The following ANO4 variants were observed in gnomAD, a reference collection of about 807,000 sequenced individuals.
ANO4 encodes the protein anoctamin-4.
ANO4 carries 69 observed loss-of-function variants against 141.9 expected under a neutral mutation model. The ratio of observed to expected loss-of-function variants is 0.49; its 90% CI spans 0.40 to 0.59. The LOEUF (loss-of-function observed/expected upper bound fraction) is 0.59. Among genes scored for constraint, ANO4 ranks in the 20% least tolerant of loss-of-function variants. The pLI, the probability that ANO4 is intolerant of heterozygous loss-of-function variation, is 0.00. For missense variants in ANO4, 894 were observed against 1,162.2 expected, an observed-to-expected ratio of 0.77 and a Z score of 3.36; for synonymous variants, 350 against 394.3, an observed-to-expected ratio of 0.89 and a Z score of 1.33.
Position 101,006,111 on chromosome 12 carries a change from G to A in ANO4, c.735-13923G>A, listed in dbSNP as rs570429979. ...CTGACTCTTTAAAATATTTATTGAT[G>A]CAACCAATAAATAAAAAGAAAAAGG... On this transcript the variant is annotated intron_variant, in intron 8 of 27. Transcript: ENST00000392977. Among the ~76,000 whole-genome samples the A allele has an allele frequency of 3.3e-5, 5 of 151,924 alleles. No individual in the cohort carries two copies. The South Asian group carries it at 1.0e-3, about 32-fold the overall frequency.
intron 1 of ANO4, among the ~76,000 whole-genome samples, chr12:100,846,948 C>A (rs115209722): frequency 0.011 from 740 of 67,080 alleles, 9 homozygotes; most frequent in African/African-American, 0.04. Flanking sequence ...CTTCCACACC[C>A]CCCCCCAACT....
intron 5 of ANO4, among the ~76,000 whole-genome samples, chr12:100,946,067 A>G (rs1326363790): frequency 1.3e-5 from 2 of 152,166 alleles, no homozygotes; most frequent in Non-Finnish European, 2.9e-5. Flanking sequence ...CCTCTTTTCC[A>G]CAGAAAGAGA....
At chr12:100,811,829 T>C (rs2135706633) in intron 1 of ANO4, among the ~76,000 whole-genome samples, 1 of 152,344 alleles carries the variant, frequency 6.6e-6, no homozygotes, top group East Asian at 1.9e-4. Context: ...TCAGTTATTA[T>C]TGTAGCCAGA....
chr12:101,104,617 A>G (rs11110655), intron 22 of ANO4, among the ~76,000 whole-genome samples: 2,714 of 53,070 alleles, frequency 0.051, 147 homozygotes, highest in African/African-American at 0.19. Flanking sequence ...GTGTGTGTGT[A>G]TGTATGTGTG....
At chr12:101,032,144 A>G (rs969684317) in intron 9 of ANO4, among the ~76,000 whole-genome samples, 2 of 152,232 alleles carry the variant, frequency 1.3e-5, no homozygotes, top group African/African-American at 4.8e-5. Flanking sequence ...AACCAAAAAG[A>G]ACAAGCTGGA....
chr12:100,846,152 A>G (rs777239949), intron 1 of ANO4, among the ~76,000 whole-genome samples: 28 of 152,348 alleles, frequency 1.8e-4, no homozygotes, highest in South Asian at 4.1e-4. Flanking sequence ...GCACATAGAA[A>G]TCCCTTGATC....
chr12:101,042,543 CAG>C, intron 12 of ANO4, 75 bp downstream of exon 12: 1 of 1,567,548 alleles, frequency 6.4e-7, no homozygotes, highest in Non-Finnish European at 8.7e-7. Flanking sequence ...GGGGTATTCA[CAG>C]ATTGTGGAGA....
chr12:100,725,995 A>G (rs1593231277), intron 1 of ANO4, among the ~76,000 whole-genome samples: 1 of 152,138 alleles, frequency 6.6e-6, no homozygotes, highest in Non-Finnish European at 1.5e-5. Flanking sequence ...ACCCCTCAGA[A>G]CCCAGCCTGG....
At chr12:100,898,573 T>A (rs1333478842) in intron 1 of ANO4, among the ~76,000 whole-genome samples, 1 of 149,900 alleles carries the variant, frequency 6.7e-6, no homozygotes, top group Non-Finnish European at 1.5e-5. Context: ...ATTTTTAACA[T>A]TTTTTGCTAT....
At chr12:101,113,234 G>A (rs975218976) in intron 24 of ANO4, among the ~76,000 whole-genome samples, 4 of 152,132 alleles carry the variant, frequency 2.6e-5, no homozygotes, top group South Asian at 2.1e-4. Flanking sequence ...TGGATTTTCC[G>A]TCGTAATGGT....
intron 1 of ANO4, among the ~76,000 whole-genome samples, chr12:100,870,263 G>C (rs1467162): frequency 0.81 from 122,584 of 152,156 alleles, 49,428 homozygotes; most frequent in Admixed American, 0.86. Flanking sequence ...GCAGCAAATT[G>C]TATTTCAAAG....
chr12:100,872,194 T>C (rs1470353122), intron 1 of ANO4, among the ~76,000 whole-genome samples: 1 of 152,234 alleles, frequency 6.6e-6, no homozygotes, highest in Non-Finnish European at 1.5e-5. Context: ...TGAATTAAGC[T>C]TTGAGAATCC....
intron 9 of ANO4, among the ~76,000 whole-genome samples, chr12:101,026,713 G>A (rs986987413): frequency 6.6e-6 from 1 of 152,000 alleles, no homozygotes; most frequent in Non-Finnish European, 1.5e-5. Flanking sequence ...AATGAATTTA[G>A]GAAAACTCGT....
At chr12:100,936,132 A>G (rs2042276626) in intron 3 of ANO4, among the ~76,000 whole-genome samples, 2 of 152,162 alleles carry the variant, frequency 1.3e-5, no homozygotes, top group Non-Finnish European at 2.9e-5. Flanking sequence ...CCTGAGCTCA[A>G]GTGGCAGTAG....
intron 1 of ANO4, among the ~76,000 whole-genome samples, chr12:100,803,104 G>A (rs992512807): frequency 6.6e-6 from 1 of 152,154 alleles, no homozygotes; most frequent in Non-Finnish European, 1.5e-5. Flanking sequence ...CAAGACTAAA[G>A]TTGTCAGAAT....
At chr12:100,765,898 A>G (rs1384542145) in intron 3 of ANO4, among the ~76,000 whole-genome samples, 5 of 151,374 alleles carry the variant, frequency 3.3e-5, no homozygotes, top group African/African-American at 1.2e-4. Flanking sequence ...TTTCAAGTCT[A>G]TTTTAGCAGT....
At position 100,915,630 on chromosome 12, in the gene ANO4, G is replaced by A. The variant is rs1515553; in HGVS notation, c.56-6596G>A. ...GTGGAATTGTTTTTACTTAGCCTAGGCCCCAAACCTGGAGTAGGCCCTCAT... is the reference window on the plus strand; with the variant it reads ...GTGGAATTGTTTTTACTTAGCCTAGACCCCAAACCTGGAGTAGGCCCTCAT... On this transcript the variant is annotated intron_variant, in intron 2 of 27. Transcript: ENST00000392977. Among the ~76,000 whole-genome samples, 516 of 152,162 alleles carry A rather than the reference G, an allele frequency of 3.4e-3. 4 individuals carry two copies. The highest frequency in any genetic ancestry group is 0.012 in the African/African-American group (502 of 41,512).
intron 13 of ANO4, among the ~76,000 whole-genome samples, chr12:101,046,351 G>T (rs2047631266): frequency 6.6e-6 from 1 of 152,170 alleles, no homozygotes; most frequent in Non-Finnish European, 1.5e-5. Context: ...AGCACCTGTG[G>T]TGTGGCCTGC....
upstream of ANO4, among the ~76,000 whole-genome samples, chr12:100,793,909 C>T (rs908072109): frequency 1.8e-4 from 27 of 152,138 alleles, no homozygotes; most frequent in African/African-American, 3.9e-4. Flanking sequence ...GAGATTTGCT[C>T]CTTTGCTCCT....
Sources: gnomAD v4.1 joint callset for allele counts (sites outside exome capture counted in the v4.1 genomes callset) on GRCh38, gnomAD v4.1.1 for gene constraint, MANE v1.5 for transcripts, NCBI Gene and HGNC (gene_info 2026-07-23, HGNC 2026-07-21) for gene names.